Variants in EWSR1 observed in about 807,000 individuals in gnomAD.
The protein encoded by EWSR1 is EWS RNA binding protein 1, also known as RNA-binding protein EWS.
Under a neutral mutation model 92.1 loss-of-function variants are expected in EWSR1, and 14 were observed. The observed-to-expected ratio is 0.15, with a 90% CI of 0.10 to 0.24. The LOEUF is 0.24. Ranked by LOEUF, EWSR1 falls within the 10% of genes least tolerant of loss-of-function variation. EWSR1 has a pLI of 1.00. For synonymous variants in EWSR1, 303 were observed against 292.9 expected (o/e 1.03, Z -0.35); for missense variants, 637 against 870.9 (o/e 0.73, Z 3.38).
chr22:29,272,115 G>A lies in EWSR1; in HGVS notation c.14-101G>A, dbSNP rs1201447636. On this transcript the variant is annotated intron_variant, in intron 1 of 16. Coordinates refer to ENST00000397938, the MANE Select transcript of EWSR1 (RefSeq NM_005243.4). ...ACCTGTGTTGGCAGGTCTCCCTACA[G>A]TTTAAAGAATTCTTCCTGCCACGTG... is the stretch of plus-strand genomic sequence containing the variant. 2.8e-6 allele frequency: 3 copies of A among 1,088,392 alleles called. No homozygotes were observed. In the African/African-American group the frequency reaches 4.7e-5, roughly 17 times the overall value. 67.4% of individuals were successfully genotyped at this position (1,088,392 alleles called of 1,614,324 possible).
In EWSR1 at chr22:29,291,644, C is replaced by T. The variant is rs1049511281; in HGVS notation, c.1012+45C>T. On this transcript the variant is annotated intron_variant, in intron 9 of 16. Coordinates refer to ENST00000397938, the MANE Select transcript of EWSR1 (RefSeq NM_005243.4). ...CATAGATAGTGTTTAAAAAAAAATG[C>T]AGTCAGTTTTTAGAAAACTATAATT... is the stretch of plus-strand genomic sequence containing the variant. The T allele has an allele frequency of 3.9e-6, 6 of 1,548,446 alleles. No individual in the cohort carries two copies. The African/African-American group carries it at 8.3e-5, about 21-fold the overall frequency.
At chr22:29,282,629 T>A (rs2059695388) in intron 6 of EWSR1, 72 bp downstream of exon 6, 1 of 1,327,392 alleles carries the variant, frequency 7.5e-7, no homozygotes, top group Admixed American at 2.9e-5. Flanking sequence ...ACCAGCTTGC[T>A]TTGACTTCTT....
intron 3 of EWSR1, among the ~76,000 whole-genome samples, 193 bp from the exon 4 acceptor site, chr22:29,273,548 A>G (rs948615298): frequency 7.9e-5 from 12 of 152,228 alleles, no homozygotes; most frequent in Non-Finnish European, 1.8e-4. Flanking sequence ...CTTTACCATA[A>G]TATGAGTGAA....
At chr22:29,268,862 C>T (rs139903286) in intron 1 of EWSR1, among the ~76,000 whole-genome samples, 11 of 152,344 alleles carry the variant, frequency 7.2e-5, no homozygotes, top group South Asian at 2.1e-4. Flanking sequence ...GGCCTATGAG[C>T]GGGAGCCCCG....
chr22:29,282,596 A>G (rs1299454713), intron 6 of EWSR1, 39 bp downstream of exon 6: 4 of 1,485,228 alleles, frequency 2.7e-6, no homozygotes, highest in Non-Finnish European at 3.6e-6. Flanking sequence ...AACAGTGACA[A>G]AACAGTTTTT....
At chr22:29,268,427 C>T in intron 1 of EWSR1, 78 bp downstream of exon 1, 9 of 1,612,618 alleles carry the variant, frequency 5.6e-6, no homozygotes, top group Non-Finnish European at 7.6e-6. Context: ...CTGGGCTTGG[C>T]TGGGAAGACT....
chr22:29,268,361 G>A lies in EWSR1; in HGVS notation c.13+12G>A. On this transcript the variant is annotated intron_variant, in intron 1 of 16. Coordinates refer to ENST00000397938, the MANE Select transcript of EWSR1 (RefSeq NM_005243.4). ...AATGGCGTCCACGGGTGAGTATGGT[G>A]GAACTGCGGTCGCGCCGGCGGTAGC... The A allele has an allele frequency of 1.9e-6, 3 of 1,614,072 alleles. No homozygotes were observed. Among genetic ancestry groups the A allele is most frequent in the African/African-American group, 2.7e-5 (2 of 75,064 alleles).
chr22:29,277,317 T>A (rs76540899), intron 4 of EWSR1: 3,472 of 226,850 alleles, frequency 0.015, 34 homozygotes, highest in Middle Eastern at 0.026. Flanking sequence ...GGCAGGAATC[T>A]GCTTTATGAT....
chr22:29,272,634 C>G (rs2058770372), intron 3 of EWSR1, among the ~76,000 whole-genome samples: 2 of 152,160 alleles, frequency 1.3e-5, no homozygotes, highest in African/African-American at 4.8e-5. Flanking sequence ...TGATAATTGA[C>G]TCTTTATAAC....
chr22:29,276,466 T>G (rs998401860), intron 4 of EWSR1: 1 of 221,016 alleles, frequency 4.5e-6, no homozygotes, highest in African/African-American at 2.2e-5. Flanking sequence ...AGAAAGAGTA[T>G]TATTATATTC....
intron 12 of EWSR1, among the ~76,000 whole-genome samples, chr22:29,296,885 A>T (rs991786002): frequency 1.3e-5 from 2 of 152,152 alleles, no homozygotes; most frequent in Non-Finnish European, 1.5e-5. Context: ...TACAAAAAAA[A>T]TACAAAAATT....
Position 29,282,468 on chromosome 22 carries a change from A to G in EWSR1, c.492A>G (p.Gly164=). The part of the protein sequence containing the change: ...STGGYNQPSL[G]YGQSNYSYPQ... ...GGGGTTACAACCAGCCCAGCCTAGGATATGGACAGAGTAACTACAGTTATC... is the reference window on the plus strand; with the variant it reads ...GGGGTTACAACCAGCCCAGCCTAGGGTATGGACAGAGTAACTACAGTTATC... Residue 164 remains glycine, a synonymous_variant, in exon 6 of 17, where the codon GGA becomes GGG. Coordinates refer to ENST00000397938, the MANE Select transcript of EWSR1 (RefSeq NM_005243.4). 6.3e-7 allele frequency: 1 copy of G among 1,586,688 alleles called. No homozygotes were observed.
At chr22:29,279,031 T>G (rs1384648030) in intron 5 of EWSR1, among the ~76,000 whole-genome samples, 2 of 148,876 alleles carry the variant, frequency 1.3e-5, no homozygotes, top group Admixed American at 6.7e-5. Context: ...TATCGAAGGG[T>G]CAAAATGAGG....
chr22:29,284,521 T>A (rs2147256789), intron 6 of EWSR1, among the ~76,000 whole-genome samples: 1 of 151,396 alleles, frequency 6.6e-6, no homozygotes, highest in South Asian at 2.1e-4. Flanking sequence ...ACCTATTGCA[T>A]TGAGAGCAGT....
intron 4 of EWSR1, chr22:29,275,622 G>A (rs2059046456): frequency 4.4e-6 from 1 of 229,544 alleles, no homozygotes; most frequent in Non-Finnish European, 8.6e-6. Context: ...TTGGTAGTGC[G>A]TGGGTTCAAG....
At chr22:29,296,561 G>C (rs1219176830) in intron 12 of EWSR1, among the ~76,000 whole-genome samples, 193 bp downstream of exon 12, 2 of 152,146 alleles carry the variant, frequency 1.3e-5, no homozygotes, top group Non-Finnish European at 2.9e-5. Flanking sequence ...TGAGGCATTA[G>C]TATTACAAAT....
At chr22:29,288,526 T>G in intron 7 of EWSR1, 80 bp from the exon 8 acceptor site, 1 of 1,396,644 alleles carries the variant, frequency 7.2e-7, no homozygotes, top group Non-Finnish European at 9.7e-7. Flanking sequence ...GAATTGAGGA[T>G]TTTGTGATTC....
Position 29,299,780 on chromosome 22 carries a change from G to T in EWSR1, c.1860G>T (p.Gly620=). The T allele has an allele frequency of 6.2e-7, 1 of 1,601,300 alleles. No individual in the cohort carries two copies. The highest frequency in any genetic ancestry group is 1.1e-5 in the South Asian group (1 of 89,588). ...GAGGAAGACGAGGTGGCCCTGGGGG[G>T]CCCCCTGGACCTTTGATGGAACAGA... ...FGGGRRGGPG[G]PPGPLMEQMG... is the part of the protein sequence containing the mutation. Residue 620 remains glycine, a synonymous_variant, in exon 16 of 17, where the codon GGG becomes GGT. Coordinates refer to ENST00000397938, the MANE Select transcript of EWSR1 (RefSeq NM_005243.4).
chr22:29,298,641 T>C (rs2061074718), intron 13 of EWSR1, 92 bp from the exon 14 acceptor site: 1 of 1,462,982 alleles, frequency 6.8e-7, no homozygotes, highest in Non-Finnish European at 9.6e-7. Flanking sequence ...ACAGCAGTAG[T>C]ATCTGTGGGT....
Sources: gnomAD v4.1 joint callset for allele counts (sites outside exome capture counted in the v4.1 genomes callset) on GRCh38, gnomAD v4.1.1 for gene constraint, MANE v1.5 for transcripts, NCBI Gene and HGNC (gene_info 2026-07-23, HGNC 2026-07-21) for gene names.